The following C9orf85 variants were observed in gnomAD, a reference collection of about 807,000 sequenced individuals.
C9orf85 encodes the protein chromosome 9 open reading frame 85.
Under a neutral mutation model 14.9 loss-of-function variants are expected in C9orf85, and 16 were observed. The ratio of observed to expected loss-of-function variants is 1.08; its 90% CI spans 0.73 to 1.63. The LOEUF (loss-of-function observed/expected upper bound fraction) is 1.63. Ranked by LOEUF, C9orf85 falls within the 40% of genes most tolerant of loss-of-function variation. The pLI, the probability that C9orf85 is intolerant of heterozygous loss-of-function variation, is 0.00. For synonymous variants in C9orf85, 45 were observed against 56.8 expected, an observed-to-expected ratio of 0.79 and a Z score of 0.93; for missense variants, 172 against 186.1, an observed-to-expected ratio of 0.92 and a Z score of 0.44.
intron 2 of C9orf85, among the ~76,000 whole-genome samples, chr9:71,955,684 C>T (rs1329089996): frequency 6.6e-6 from 1 of 152,120 alleles, no homozygotes; most frequent in Admixed American, 6.6e-5. Context: ...AACCTTTAGG[C>T]CAAACTTAAA....
chr9:71,977,178 C>T (rs1367346881), downstream of C9orf85, among the ~76,000 whole-genome samples: 1 of 149,392 alleles, frequency 6.7e-6, no homozygotes, highest in Non-Finnish European at 1.5e-5. Context: ...GCACCCATAT[C>T]TGTAAAAAAA....
At chr9:71,951,768 C>A (rs1589261842) in intron 2 of C9orf85, among the ~76,000 whole-genome samples, 1 of 152,082 alleles carries the variant, frequency 6.6e-6, no homozygotes, top group African/African-American at 2.4e-5. Context: ...CCATTCATTA[C>A]CATTCCTGGT....
intron 1 of C9orf85, among the ~76,000 whole-genome samples, chr9:71,933,424 C>T (rs1319653961): frequency 6.6e-6 from 1 of 152,190 alleles, no homozygotes; most frequent in Non-Finnish European, 1.5e-5. Flanking sequence ...AATGCTCCAA[C>T]TTTTTCCTAC....
intron 2 of C9orf85, among the ~76,000 whole-genome samples, chr9:71,951,788 G>A (rs975830576): frequency 8.2e-4 from 125 of 152,066 alleles, no homozygotes; most frequent in African/African-American, 2.7e-3. Flanking sequence ...TCAATCCCAA[G>A]TCATTCATGA....
At chr9:71,967,878 T>C (rs1822741336) in intron 2 of C9orf85, among the ~76,000 whole-genome samples, 1 of 152,146 alleles carries the variant, frequency 6.6e-6, no homozygotes, top group Admixed American at 6.5e-5. Flanking sequence ...AGTTTCTTTG[T>C]AGTTATCTGT....
intron 2 of C9orf85, among the ~76,000 whole-genome samples, chr9:71,964,482 G>A (rs541957338): frequency 9.2e-4 from 140 of 151,920 alleles, no homozygotes; most frequent in African/African-American, 3.3e-3. Flanking sequence ...GAGACCACAA[G>A]CCCACCGGGA....
At chr9:71,916,786 G>A (rs1227650743) in intron 1 of C9orf85, among the ~76,000 whole-genome samples, 7 of 152,096 alleles carry the variant, frequency 4.6e-5, no homozygotes, top group African/African-American at 1.7e-4. Flanking sequence ...GTTCCAACAG[G>A]TATTTACTTT....
intron 1 of C9orf85, among the ~76,000 whole-genome samples, chr9:71,935,553 A>T (rs1392378838): frequency 6.6e-6 from 1 of 151,870 alleles, no homozygotes; most frequent in Non-Finnish European, 1.5e-5. Context: ...ATACTTTGGG[A>T]TACTGAGACA....
At chr9:71,947,892 C>G (rs146623541) in intron 2 of C9orf85, among the ~76,000 whole-genome samples, 1 of 152,138 alleles carries the variant, frequency 6.6e-6, no homozygotes, top group Non-Finnish European at 1.5e-5. Context: ...GTGATCTGCC[C>G]GCCTAGGCCT....
At chr9:71,982,849 C>G (rs748890414) in exon 4 of C9orf85, 1 of 281,478 alleles carries the variant, frequency 3.6e-6, no homozygotes, top group Non-Finnish European at 6.8e-6. Context: ...TTGGCCAGGC[C>G]GGTCTCGAAC....
At chr9:71,920,170 G>A (rs1162605760) in intron 1 of C9orf85, among the ~76,000 whole-genome samples, 1 of 151,990 alleles carries the variant, frequency 6.6e-6, no homozygotes, top group African/African-American at 2.4e-5. Flanking sequence ...TCTTAATGTT[G>A]AGGCCTGATA....
chr9:71,954,346 C>T (rs1822328253), intron 2 of C9orf85, among the ~76,000 whole-genome samples: 1 of 151,720 alleles, frequency 6.6e-6, no homozygotes, highest in African/African-American at 2.4e-5. Context: ...AGATGGGGGA[C>T]TGAGATGTTG....
At chr9:71,960,198 AC>A (rs1822479401) in intron 2 of C9orf85, among the ~76,000 whole-genome samples, 1 of 152,158 alleles carries the variant, frequency 6.6e-6, no homozygotes, top group South Asian at 2.1e-4. Context: ...GTGATAGGAA[AC>A]CCTGTGAGGA....
intron 2 of C9orf85, among the ~76,000 whole-genome samples, chr9:71,948,968 A>G (rs1279629835): frequency 6.6e-6 from 1 of 152,246 alleles, no homozygotes; most frequent in African/African-American, 2.4e-5. Flanking sequence ...TTTGGCAACT[A>G]TTTGCATTAC....
At chr9:71,968,014 C>T (rs1256496535) in intron 2 of C9orf85, among the ~76,000 whole-genome samples, 1 of 151,212 alleles carries the variant, frequency 6.6e-6, no homozygotes, top group Non-Finnish European at 1.5e-5. Context: ...TAGAACATTG[C>T]TTTAGTGAAT....
chr9:71,953,570 T>G (rs1444867402), intron 2 of C9orf85, among the ~76,000 whole-genome samples: 1 of 152,166 alleles, frequency 6.6e-6, no homozygotes, highest in Non-Finnish European at 1.5e-5. Context: ...ATTAAATATT[T>G]TAATTGAACA....
In C9orf85 at chr9:71,913,665, C is replaced by A. The variant is rs180746269; in HGVS notation, c.102+1829C>A. Among the ~76,000 whole-genome samples the A allele has an allele frequency of 2.1e-3, 324 of 152,252 alleles. 2 individuals carry two copies. Among genetic ancestry groups the A allele is most frequent in the African/African-American group, 7.4e-3 (307 of 41,528 alleles). On this transcript the variant is annotated intron_variant, in intron 1 of 3. Transcript: ENST00000334731. ...GATGTCTGCGTCTTGTGTATTCTTA[C>A]CCTAAGGTTGTGCACAAACATTTGC... is the stretch of plus-strand genomic sequence containing the variant.
At chr9:71,976,436 G>A (rs886540411), downstream of C9orf85, among the ~76,000 whole-genome samples, 1 of 152,154 alleles carries the variant, frequency 6.6e-6, no homozygotes, top group Non-Finnish European at 1.5e-5. Context: ...GCCGAGGCGG[G>A]TGGATCACGA....
chr9:71,925,291 C>T (rs776089826), intron 1 of C9orf85, among the ~76,000 whole-genome samples: 5 of 152,238 alleles, frequency 3.3e-5, no homozygotes, highest in East Asian at 1.9e-4. Flanking sequence ...GAGGCCAAGG[C>T]GGGTGGATCA....
Sources: allele counts gnomAD v4.1 joint callset (sites outside exome capture counted in the v4.1 genomes callset), GRCh38; gene constraint gnomAD v4.1.1; transcripts MANE v1.5; gene names NCBI Gene and HGNC (gene_info 2026-07-23, HGNC 2026-07-21).